PRELID3A: variants seen among roughly 807,000 people sequenced by gnomAD.
The protein encoded by PRELID3A is PRELI domain containing protein 3A.
PRELID3A carries 27 observed loss-of-function variants against 23.0 expected under a neutral mutation model. That is an observed-to-expected ratio of 1.17 (90% CI 0.87 to 1.62). PRELID3A has a LOEUF of 1.62. Ranked by LOEUF, PRELID3A falls within the 40% of genes most tolerant of loss-of-function variation. The pLI is 0.00. For missense variants in PRELID3A, 231 were observed against 231.4 expected, an observed-to-expected ratio of 1.00 and a Z score of 0.01; for synonymous variants, 87 against 86.4, an observed-to-expected ratio of 1.01 and a Z score of -0.04.
At chr18:12,415,548 T>G (rs913738384) in intron 1 of PRELID3A, among the ~76,000 whole-genome samples, 2 of 152,180 alleles carry the variant, frequency 1.3e-5, no homozygotes, top group Non-Finnish European at 2.9e-5. Context: ...TGAGCCACTG[T>G]GCCTGGCCTT....
chr18:12,427,454 T>C, intron 5 of PRELID3A, 131 bp downstream of exon 5: 4 of 734,464 alleles, frequency 5.4e-6, no homozygotes, highest in East Asian at 2.7e-5. Context: ...CCTAGCACTT[T>C]GGGAGGCCAA....
At chr18:12,423,860 G>C (rs755356998) in intron 3 of PRELID3A, among the ~76,000 whole-genome samples, 1 of 152,214 alleles carries the variant, frequency 6.6e-6, no homozygotes, top group African/African-American at 2.4e-5. Flanking sequence ...CGGCTCCCCT[G>C]CCCCAACCAG....
intron 1 of PRELID3A, among the ~76,000 whole-genome samples, chr18:12,413,513 G>A (rs1052209660): frequency 1.3e-5 from 2 of 152,166 alleles, no homozygotes; most frequent in Non-Finnish European, 2.9e-5. Flanking sequence ...TCCACTGAGC[G>A]TGCAGCATGA....
rs1174581550 is a variant in PRELID3A, at chr18:12,432,178, G to A, written c.*1062G>A. 1 of 152,222 alleles carries A rather than the reference G, an allele frequency of 6.6e-6. No homozygotes were observed. The highest frequency in any genetic ancestry group is 1.5e-5 in the Non-Finnish European group (1 of 68,058). 9.4% of individuals were successfully genotyped at this position (152,222 alleles called of 1,614,324 possible). On this transcript the variant is annotated 3_prime_UTR_variant, in exon 7 of 7. Coordinates refer to ENST00000440960, the MANE Select transcript of PRELID3A (RefSeq NM_001142405.2). ...AGAAGTTTTCTGTGCTTATGAAAGC[G>A]TATGTGTGGCCTTTCTCTTCCCTTC...
At chr18:12,427,416 G>A (rs973661041) in intron 5 of PRELID3A, 93 bp downstream of exon 5, 2 of 1,014,908 alleles carry the variant, frequency 2.0e-6, no homozygotes, top group Non-Finnish European at 3.0e-6. Flanking sequence ...AGTCTTCCTG[G>A]CTGGGCATGG....
rs1262829630 is a variant in PRELID3A, at chr18:12,427,271, G to A, written c.413G>A (p.Gly138Asp). 1.2e-6 allele frequency: 2 copies of A among 1,614,182 alleles called. No homozygotes were observed. Among genetic ancestry groups the A allele is most frequent in the Admixed American group, 3.3e-5 (2 of 60,016 alleles). ...AIITVKGISLGSYLESLMANT... is the reference protein window; with the variant it reads ...AIITVKGISLDSYLESLMANT... ...ATCACTGTGAAGGGGATTAGCCTTG[G>A]TAGTTATTTGGAAAGTTTAATGGCC... is the stretch of plus-strand genomic sequence containing the variant. The change falls in exon 5 of 7, where the codon GGT becomes GAT. Residue 138 changes from glycine to aspartate, a missense_variant. Coordinates refer to ENST00000440960, the MANE Select transcript of PRELID3A (RefSeq NM_001142405.2).
chr18:12,410,518 A>C (rs908502254), intron 1 of PRELID3A, among the ~76,000 whole-genome samples: 3 of 152,210 alleles, frequency 2.0e-5, no homozygotes, highest in African/African-American at 7.2e-5. Flanking sequence ...AAATGACAGT[A>C]CAAATTGGAA....
chr18:12,410,723 A>G (rs776546697), intron 1 of PRELID3A: 1 of 151,940 alleles, frequency 6.6e-6, no homozygotes, highest in Non-Finnish European at 1.5e-5. Context: ...TTGAGGCAGA[A>G]TCTTGCTCTA....
At chr18:12,427,397 A>G in intron 5 of PRELID3A, 74 bp downstream of exon 5, 1 of 1,130,768 alleles carries the variant, frequency 8.8e-7, no homozygotes, top group East Asian at 2.4e-5. Context: ...TGACATTTTT[A>G]GTCTCATCAG....
intron 3 of PRELID3A, among the ~76,000 whole-genome samples, chr18:12,425,709 G>A (rs2030336368): frequency 6.6e-6 from 1 of 151,928 alleles, no homozygotes; most frequent in South Asian, 2.1e-4. Flanking sequence ...GGAGGCCAAG[G>A]TGGGAGGATC....
rs201783092 is a variant in PRELID3A at position 12,421,704 on chromosome 18, A to G, written c.291+75A>G. On this transcript the variant is annotated intron_variant, in intron 3 of 6. Transcript: ENST00000440960. ...GTGCGTAAGGCCTTCGTTTAATTCTATTTCCAGCCCACCTTTGGTCTAGGT... is the reference window on the plus strand; with the variant it reads ...GTGCGTAAGGCCTTCGTTTAATTCTGTTTCCAGCCCACCTTTGGTCTAGGT... The G allele has an allele frequency of 2.6e-4, 245 of 949,900 alleles. 2 individuals are homozygous for G. The East Asian group carries it at 5.8e-3, about 23-fold the overall frequency. The allele number at this position is 949,900 out of a possible 1,614,324, so 58.8% of individuals were successfully genotyped here.
chr18:12,430,009 G>C (rs2030515224), intron 6 of PRELID3A, among the ~76,000 whole-genome samples: 1 of 152,268 alleles, frequency 6.6e-6, no homozygotes, highest in African/African-American at 2.4e-5. Context: ...GCGGCCACCA[G>C]GGCCTGATCC....
intron 1 of PRELID3A, among the ~76,000 whole-genome samples, chr18:12,408,308 AGCGGGGGCGGCCGGG>A (rs1256616595): frequency 1.9e-4 from 28 of 150,530 alleles, no homozygotes; most frequent in Admixed American, 3.3e-4. Flanking sequence ...GGGCAGCCGG[AGCGGGGGCGGCCGGG>A]GCGGGGGCGG....
chr18:12,410,314 G>A (rs749936608), intron 1 of PRELID3A, among the ~76,000 whole-genome samples: 6 of 152,262 alleles, frequency 3.9e-5, no homozygotes, highest in Non-Finnish European at 7.3e-5. Context: ...AAGGAATCCC[G>A]GTCATCCCTG....
chr18:12,413,402 T>A (rs2029873849), intron 1 of PRELID3A, among the ~76,000 whole-genome samples: 1 of 151,940 alleles, frequency 6.6e-6, no homozygotes, highest in Admixed American at 6.6e-5. Context: ...AGCCATACCA[T>A]CTCTTAAAAC....
At chr18:12,421,383 AGCGCCCTGGACACAGGGGTTTTGTCT>A in intron 2 of PRELID3A, 131 bp from the exon 3 acceptor site, 1 of 600,342 alleles carries the variant, frequency 1.7e-6, no homozygotes, top group African/African-American at 1.9e-5. Flanking sequence ...CTGGAGCGGA[AGCGCCCTGGACACAGGGGTTTTGTCT>A]CTGTCCCTTG....
At chr18:12,426,981 C>A in intron 3 of PRELID3A, 60 bp from the exon 4 acceptor site, 3 of 1,260,842 alleles carry the variant, frequency 2.4e-6, no homozygotes, top group Admixed American at 1.8e-5. Context: ...AGAGTATGGG[C>A]AGTTGGCTTC....
At chr18:12,427,192 C>G in intron 4 of PRELID3A, 29 bp from the exon 5 acceptor site, 2 of 1,608,914 alleles carry the variant, frequency 1.2e-6, no homozygotes, top group Non-Finnish European at 1.7e-6. Flanking sequence ...CAGGGCTGGT[C>G]AGCCCCTTTT....
In PRELID3A at chr18:12,420,393, T is replaced by A. The variant is rs767234270; in HGVS notation, c.101T>A (p.Leu34Gln). The change falls in exon 2 of 7, where the codon CTG becomes CAG. Residue 34 changes from leucine to glutamine, a missense_variant. Physicochemically the swap from Leu to Gln is moderately radical, Grantham distance 113. Coordinates refer to ENST00000440960, the MANE Select transcript of PRELID3A (RefSeq NM_001142405.2). ...KYPNPMNPSVLGVDVLQRRVD... is the reference protein window; with the variant it reads ...KYPNPMNPSVQGVDVLQRRVD... ...CCGAACCCGATGAACCCGAGCGTGCTGGGCGTGGATGTGCTACAGCGCCGC... is the reference window on the plus strand; with the variant it reads ...CCGAACCCGATGAACCCGAGCGTGCAGGGCGTGGATGTGCTACAGCGCCGC... 6.2e-7 allele frequency: 1 copy of A among 1,609,742 alleles called. No individual in the cohort carries two copies. The highest frequency in any genetic ancestry group is 8.5e-7 in the Non-Finnish European group (1 of 1,178,588).
Sources: allele counts gnomAD v4.1 joint callset (sites outside exome capture counted in the v4.1 genomes callset), GRCh38; gene constraint gnomAD v4.1.1; transcripts MANE v1.5; gene names NCBI Gene and HGNC (gene_info 2026-07-23, HGNC 2026-07-21).